Variants in STPG2 observed in about 807,000 individuals in gnomAD.
The protein encoded by STPG2 is sperm-tail PG-rich repeat-containing protein 2.
A neutral mutation model predicts 54.2 loss-of-function variants in STPG2; 56 were observed. The observed-to-expected ratio is 1.03, with a 90% confidence interval of 0.83 to 1.29. The LOEUF (loss-of-function observed/expected upper bound fraction) is 1.29, where lower values mean the gene tolerates loss of function less well. Ranked by LOEUF, STPG2 falls within the 50% of genes most tolerant of loss-of-function variation. STPG2 has a pLI of 0.00. For synonymous variants in STPG2, 200 were observed against 181.8 expected (o/e 1.10, Z -0.81); for missense variants, 596 against 544.9 (o/e 1.09, Z -0.93).
In STPG2 at chr4:97,874,319, T is replaced by C. The variant is rs149862385; in HGVS notation, c.1045-33387A>G. Among the ~76,000 whole-genome samples, 548 of 151,806 alleles carry C rather than the reference T, an allele frequency of 3.6e-3. 2 individuals carry two copies. Among genetic ancestry groups the C allele is most frequent in the Middle Eastern group, 0.01 (3 of 294 alleles). Reference sequence around the variant, plus strand: ...TTTCTCTGTGTTTTTATAACATACATCAATTTCTCTTATCTCCCAAGTAAT... The same window carrying C: ...TTTCTCTGTGTTTTTATAACATACACCAATTTCTCTTATCTCCCAAGTAAT... On this transcript the variant is annotated intron_variant, in intron 8 of 10. Transcript: ENST00000295268.
At chr4:98,074,796 A>T (rs897209895) in intron 5 of STPG2, among the ~76,000 whole-genome samples, 1 of 152,204 alleles carries the variant, frequency 6.6e-6, no homozygotes, top group Non-Finnish European at 1.5e-5. Flanking sequence ...TTATAAACTC[A>T]GTTATCTGTT....
intron 5 of STPG2, among the ~76,000 whole-genome samples, chr4:98,021,450 A>G (rs11942205): frequency 0.4 from 59,339 of 149,816 alleles, 12,076 homozygotes; most frequent in Middle Eastern, 0.48. Context: ...TATGTGGTCA[A>G]TTTTGGAATA....
chr4:97,447,200 C>G (rs554716755), intron 4 of STPG2, among the ~76,000 whole-genome samples: 4 of 152,282 alleles, frequency 2.6e-5, no homozygotes, highest in African/African-American at 9.6e-5. Flanking sequence ...CCCTGGAAAT[C>G]TGTGGAGCAT....
At chr4:97,613,497 T>C (rs1733783145) in intron 10 of STPG2, among the ~76,000 whole-genome samples, 1 of 151,176 alleles carries the variant, frequency 6.6e-6, no homozygotes, top group African/African-American at 2.4e-5. Context: ...TGTGTGTGTG[T>C]GTGTGTGTGT....
intron 10 of STPG2, among the ~76,000 whole-genome samples, chr4:97,604,704 T>G (rs17026841): frequency 2.0e-5 from 3 of 151,750 alleles, no homozygotes; most frequent in African/African-American, 2.4e-5. Flanking sequence ...TGAAGAGAGA[T>G]AAATTTGTTA....
intron 8 of STPG2, among the ~76,000 whole-genome samples, chr4:97,863,518 T>C (rs1426375181): frequency 6.6e-6 from 1 of 152,036 alleles, no homozygotes; most frequent in Admixed American, 6.6e-5. Flanking sequence ...CTACCAGAGG[T>C]ACAAGGAGGA....
At chr4:97,542,128 A>C (rs566089074) in intron 4 of STPG2, among the ~76,000 whole-genome samples, 108 of 152,308 alleles carry the variant, frequency 7.1e-4, no homozygotes, top group African/African-American at 2.5e-3. Flanking sequence ...AATGGGATCT[A>C]ATTAAACTAA....
chr4:97,877,754 G>GT (rs1346829692), intron 8 of STPG2, among the ~76,000 whole-genome samples: 1 of 151,942 alleles, frequency 6.6e-6, no homozygotes, highest in East Asian at 1.9e-4. Context: ...TTCCACCCCT[G>GT]GCCCCTCCCA....
intron 10 of STPG2, among the ~76,000 whole-genome samples, chr4:97,642,406 A>G (rs929705923): frequency 2.0e-5 from 3 of 151,430 alleles, no homozygotes; most frequent in African/African-American, 7.2e-5. Flanking sequence ...TACTATTGAT[A>G]GCATTTATGA....
intron 8 of STPG2, among the ~76,000 whole-genome samples, chr4:97,865,636 G>T (rs1211595051): frequency 1.3e-5 from 2 of 151,734 alleles, no homozygotes; most frequent in Non-Finnish European, 2.9e-5. Flanking sequence ...TCACTCATAG[G>T]TGGGAATTGA....
intron 4 of STPG2, among the ~76,000 whole-genome samples, chr4:97,480,787 A>G (rs541299867): frequency 2.0e-5 from 3 of 151,672 alleles, no homozygotes; most frequent in Admixed American, 1.3e-4. Flanking sequence ...TTATTGAGCT[A>G]TAGGTATTTT....
chr4:97,743,118 G>A (rs1725316591), intron 9 of STPG2, among the ~76,000 whole-genome samples: 1 of 151,646 alleles, frequency 6.6e-6, no homozygotes. Context: ...AGTAAGAAAA[G>A]CAATTCTAGT....
chr4:98,126,338 G>A lies in STPG2; in HGVS notation c.387+2090C>T, dbSNP rs758785144. 1.2e-4 allele frequency among the ~76,000 whole-genome samples: 18 copies of A among 152,228 alleles called. 1 individual carries two copies. The highest frequency in any genetic ancestry group is 7.9e-4 in the Admixed American group (12 of 15,282). On this transcript the variant is annotated intron_variant, in intron 3 of 10. Transcript: ENST00000295268. Reference sequence around the variant, plus strand: ...GTGGCTGCCAACCTGAGTGGCCCCCGTCAGCCTGCACAGCTCTGTGCTTGG... The same window carrying A: ...GTGGCTGCCAACCTGAGTGGCCCCCATCAGCCTGCACAGCTCTGTGCTTGG...
intron 4 of STPG2, among the ~76,000 whole-genome samples, chr4:97,466,120 A>T (rs953683998): frequency 1.3e-5 from 2 of 152,112 alleles, no homozygotes; most frequent in Non-Finnish European, 2.9e-5. Context: ...CCAAAAGGTA[A>T]TAAAAAAGCA....
intron 9 of STPG2, among the ~76,000 whole-genome samples, chr4:97,838,980 T>TA (rs976586595): frequency 6.6e-6 from 1 of 151,554 alleles, no homozygotes; most frequent in Non-Finnish European, 1.5e-5. Context: ...ACCAACATGA[T>TA]AAACTCTTTT....
At chr4:97,448,907 G>T (rs2148796398) in intron 4 of STPG2, among the ~76,000 whole-genome samples, 1 of 152,052 alleles carries the variant, frequency 6.6e-6, no homozygotes, top group Middle Eastern at 3.4e-3. Flanking sequence ...ATTAAAAAAA[G>T]AATAGCATAT....
chr4:97,452,648 G>A (rs1268915536), intron 4 of STPG2, among the ~76,000 whole-genome samples: 1 of 152,168 alleles, frequency 6.6e-6, no homozygotes, highest in East Asian at 1.9e-4. Flanking sequence ...CAGCAGAGAG[G>A]AGCTACCCAC....
chr4:97,511,845 A>G (rs1262836703), intron 4 of STPG2, among the ~76,000 whole-genome samples: 1 of 152,066 alleles, frequency 6.6e-6, no homozygotes, highest in African/African-American at 2.4e-5. Context: ...TTTTGCAAGA[A>G]AAAAAGGAAG....
intron 8 of STPG2, among the ~76,000 whole-genome samples, chr4:97,892,250 G>T (rs1184927892): frequency 2.0e-5 from 3 of 152,042 alleles, no homozygotes; most frequent in Admixed American, 2.0e-4. Context: ...CCATTTTTAA[G>T]AAGATGAAAA....
Sources: gnomAD v4.1 joint callset for allele counts (sites outside exome capture counted in the v4.1 genomes callset) on GRCh38, gnomAD v4.1.1 for gene constraint, MANE v1.5 for transcripts, NCBI Gene and HGNC (gene_info 2026-07-23, HGNC 2026-07-21) for gene names.